The following SLC35F4 variants were observed in gnomAD, a reference collection of about 807,000 sequenced individuals.
SLC35F4 encodes the protein chromosome 14 open reading frame 36.
A neutral mutation model predicts 44.2 loss-of-function variants in SLC35F4; 24 were observed. The ratio of observed to expected loss-of-function variants is 0.54; its 90% CI spans 0.39 to 0.76. The LOEUF (loss-of-function observed/expected upper bound fraction) is 0.76. Among genes scored for constraint, SLC35F4 ranks in the 30% least tolerant of loss-of-function variants. SLC35F4 has a pLI of 0.00. For missense variants in SLC35F4, 562 were observed against 586.1 expected (o/e 0.96, Z 0.42); for synonymous variants, 238 against 223.6 (o/e 1.06, Z -0.57).
At chr14:57,662,310 G>A (rs935428708) in intron 1 of SLC35F4, among the ~76,000 whole-genome samples, 5 of 152,148 alleles carry the variant, frequency 3.3e-5, no homozygotes, top group East Asian at 1.9e-4. Context: ...AGAGCATGCC[G>A]TGATTTGAAT....
rs534524988 is a variant in SLC35F4, at chr14:57,829,050, A to G, written c.103+36673T>C. ...TTATTAGGTTCTGCAATAGGTACAA[A>G]ATATAATATTTGGGCCTGCCTTTAA... On this transcript the variant is annotated intron_variant, in intron 1 of 7. Transcript: ENST00000556826. 3.5e-4 allele frequency among the ~76,000 whole-genome samples: 54 copies of G among 152,260 alleles called. 1 individual carries two copies. The highest frequency in any genetic ancestry group is 1.2e-3 in the African/African-American group (49 of 41,544).
chr14:57,718,428 T>A (rs1362247785), intron 1 of SLC35F4, among the ~76,000 whole-genome samples: 1 of 152,224 alleles, frequency 6.6e-6, no homozygotes, highest in Non-Finnish European at 1.5e-5. Context: ...CAAACTGTTC[T>A]CTGTAGTGGT....
intron 1 of SLC35F4, among the ~76,000 whole-genome samples, chr14:57,841,958 C>T (rs1885535436): frequency 6.6e-6 from 1 of 152,148 alleles, no homozygotes; most frequent in African/African-American, 2.4e-5. Context: ...ATCACTGTGT[C>T]ACATCAGATG....
At chr14:57,826,993 C>G (rs557988179) in intron 1 of SLC35F4, among the ~76,000 whole-genome samples, 40 of 152,196 alleles carry the variant, frequency 2.6e-4, no homozygotes, top group African/African-American at 9.2e-4. Flanking sequence ...TTTGACCCAG[C>G]AATCCCATTA....
intron 1 of SLC35F4, among the ~76,000 whole-genome samples, chr14:57,647,325 C>T (rs60876122): frequency 0.51 from 77,644 of 151,864 alleles, 20,096 homozygotes; most frequent in East Asian, 0.7. Context: ...GGTGCATATA[C>T]ATTTAGGATA....
chr14:57,595,246 A>C (rs1013682497), intron 1 of SLC35F4, among the ~76,000 whole-genome samples: 1 of 152,200 alleles, frequency 6.6e-6, no homozygotes, highest in African/African-American at 2.4e-5. Context: ...TGAGTTTGCC[A>C]GATATTTTAT....
chr14:57,769,440 T>G (rs1202767253), intron 1 of SLC35F4, among the ~76,000 whole-genome samples: 1 of 152,128 alleles, frequency 6.6e-6, no homozygotes, highest in Non-Finnish European at 1.5e-5. Flanking sequence ...AATACAAAAT[T>G]GGGGTGTGAA....
At chr14:57,701,900 C>T (rs955672855) in intron 1 of SLC35F4, among the ~76,000 whole-genome samples, 45 of 152,158 alleles carry the variant, frequency 3.0e-4, no homozygotes, top group Non-Finnish European at 1.5e-4. Context: ...ATAACTGAAA[C>T]TGTGAAAATA....
chr14:57,584,535 A>G (rs930330889), intron 3 of SLC35F4, among the ~76,000 whole-genome samples: 1 of 152,170 alleles, frequency 6.6e-6, no homozygotes, highest in African/African-American at 2.4e-5. Context: ...TACCTCTCAT[A>G]TGGAGGAGGC....
At chr14:57,712,545 C>T (rs1368517101) in intron 1 of SLC35F4, among the ~76,000 whole-genome samples, 11 of 152,146 alleles carry the variant, frequency 7.2e-5, no homozygotes, top group Admixed American at 7.2e-4. Flanking sequence ...GTAATATTTT[C>T]TATGTGAAGT....
intron 1 of SLC35F4, among the ~76,000 whole-genome samples, chr14:57,918,115 G>A (rs1889365645): frequency 6.6e-6 from 1 of 152,188 alleles, no homozygotes; most frequent in African/African-American, 2.4e-5. Flanking sequence ...GAATGCTCTG[G>A]CACATCCCAA....
At chr14:57,678,379 C>T (rs2074771137) in intron 1 of SLC35F4, among the ~76,000 whole-genome samples, 1 of 151,996 alleles carries the variant, frequency 6.6e-6, no homozygotes, top group South Asian at 2.1e-4. Context: ...AGGCACTAAA[C>T]ATGGAAAGGA....
chr14:57,897,241 A>C (rs2141042839), intron 1 of SLC35F4, among the ~76,000 whole-genome samples: 1 of 152,228 alleles, frequency 6.6e-6, no homozygotes, highest in East Asian at 1.9e-4. Flanking sequence ...GTGTGTCAAG[A>C]GACTCCCTGA....
At chr14:57,955,096 G>T (rs947620351) in intron 1 of SLC35F4, among the ~76,000 whole-genome samples, 1 of 152,024 alleles carries the variant, frequency 6.6e-6, no homozygotes, top group East Asian at 1.9e-4. Flanking sequence ...TATCCACCAC[G>T]ATCAAGCTGG....
chr14:57,701,320 C>T (rs1345230371), intron 1 of SLC35F4, among the ~76,000 whole-genome samples: 5 of 152,086 alleles, frequency 3.3e-5, no homozygotes, highest in East Asian at 3.8e-4. Flanking sequence ...GATAACAATG[C>T]CTTCTTCTGA....
rs775632731 is a variant in SLC35F4 at position 57,581,325 on chromosome 14, C to T, written c.696G>A (p.Leu232=). The change falls in exon 4 of 8, where the codon CTG becomes CTA. Residue 232 remains leucine, a synonymous_variant. Transcript: ENST00000556826. Reference sequence around the variant, plus strand: ...CCGTGGCCGTCAGCTTCTTTAAAGCCAGTAAATAAAGGTAATTAGTCAAAG... The same window carrying T: ...CCGTGGCCGTCAGCTTCTTTAAAGCTAGTAAATAAAGGTAATTAGTCAAAG... ...LWTLTNYLYL[L]ALKKLTATDV... is the part of the protein sequence containing the mutation. 6.2e-7 allele frequency: 1 copy of T among 1,613,382 alleles called. No homozygotes were observed. Among genetic ancestry groups the T allele is most frequent in the Non-Finnish European group, 8.5e-7 (1 of 1,179,726 alleles).
chr14:57,726,709 C>T (rs969087330), intron 1 of SLC35F4, among the ~76,000 whole-genome samples: 3 of 152,004 alleles, frequency 2.0e-5, no homozygotes, highest in Non-Finnish European at 4.4e-5. Flanking sequence ...TGTATGGGTT[C>T]AAGTTGACAA....
At chr14:57,980,480 G>T (rs1881345601) in intron 1 of SLC35F4, among the ~76,000 whole-genome samples, 1 of 152,138 alleles carries the variant, frequency 6.6e-6, no homozygotes, top group South Asian at 2.1e-4. Context: ...CAGCTTCTCT[G>T]CCAGGTATTA....
chr14:57,600,155 T>C (rs1389261351), intron 1 of SLC35F4, among the ~76,000 whole-genome samples: 1 of 152,222 alleles, frequency 6.6e-6, no homozygotes, highest in Non-Finnish European at 1.5e-5. Flanking sequence ...AGCTTTATGA[T>C]TGATTGATAA....
Sources: allele counts gnomAD v4.1 joint callset (sites outside exome capture counted in the v4.1 genomes callset), GRCh38; gene constraint gnomAD v4.1.1; transcripts MANE v1.5; gene names NCBI Gene and HGNC (gene_info 2026-07-23, HGNC 2026-07-21).